MAP4K3: variants seen among roughly 807,000 people sequenced by gnomAD.
The protein encoded by MAP4K3 is MAPK/ERK kinase kinase kinase 3.
Under a neutral mutation model 143.5 loss-of-function variants are expected in MAP4K3, and 94 were observed. The ratio of observed to expected loss-of-function variants is 0.65; its 90% CI spans 0.55 to 0.78. MAP4K3 has a LOEUF of 0.78. Among genes scored for constraint, MAP4K3 ranks in the 30% least tolerant of loss-of-function variants. The pLI is 0.00. For missense variants in MAP4K3, 1,077 were observed against 1,068.1 expected, an observed-to-expected ratio of 1.01 and a Z score of -0.12; for synonymous variants, 416 against 347.2, an observed-to-expected ratio of 1.20 and a Z score of -2.20.
intron 2 of MAP4K3, among the ~76,000 whole-genome samples, chr2:39,365,430 ATTTT>A (rs151026787): frequency 3.4e-5 from 3 of 87,928 alleles, no homozygotes; most frequent in South Asian, 3.8e-4. Flanking sequence ...CGCCATAGTA[ATTTT>A]TTTTTTTTTT....
At chr2:39,406,418 T>C (rs1027262157) in intron 1 of MAP4K3, among the ~76,000 whole-genome samples, 1 of 152,098 alleles carries the variant, frequency 6.6e-6, no homozygotes, top group Non-Finnish European at 1.5e-5. Flanking sequence ...CAAAGAAGAC[T>C]ACCTCAAGAC....
At chr2:39,392,200 AAAAAATT>A (rs1666683681) in intron 1 of MAP4K3, among the ~76,000 whole-genome samples, 1 of 151,554 alleles carries the variant, frequency 6.6e-6, no homozygotes, top group South Asian at 2.1e-4. Context: ...AAAAAAAAAA[AAAAAATT>A]ACAGTGAAGC....
At chr2:39,311,081 T>C (rs1317154142) in intron 13 of MAP4K3, among the ~76,000 whole-genome samples, 3 of 152,186 alleles carry the variant, frequency 2.0e-5, no homozygotes, top group Non-Finnish European at 4.4e-5. Flanking sequence ...CAATCTTTTT[T>C]TGGTTTTGTT....
intron 15 of MAP4K3, among the ~76,000 whole-genome samples, chr2:39,300,317 T>A (rs1192781477): frequency 6.6e-6 from 1 of 152,252 alleles, no homozygotes; most frequent in Non-Finnish European, 1.5e-5. Context: ...ACTTGTACAA[T>A]ATTATAAATT....
At chr2:39,296,355 C>T (rs1310269626) in intron 16 of MAP4K3, among the ~76,000 whole-genome samples, 1 of 152,152 alleles carries the variant, frequency 6.6e-6, no homozygotes. Context: ...CTGATTTATT[C>T]ACCAAGATTG....
chr2:39,344,994 A>G (rs1573178499), intron 3 of MAP4K3, among the ~76,000 whole-genome samples: 1 of 152,214 alleles, frequency 6.6e-6, no homozygotes, highest in Non-Finnish European at 1.5e-5. Flanking sequence ...GATAATCTCT[A>G]GTCAGTCCTT....
chr2:39,275,640 T>G (rs1363723727), intron 24 of MAP4K3, among the ~76,000 whole-genome samples: 1 of 152,338 alleles, frequency 6.6e-6, no homozygotes, highest in African/African-American at 2.4e-5. Context: ...CACCTTTGAA[T>G]TATTTACTAA....
At chr2:39,407,352 GAA>G (rs112820457) in intron 1 of MAP4K3, among the ~76,000 whole-genome samples, 13 of 132,318 alleles carry the variant, frequency 9.8e-5, no homozygotes, top group Admixed American at 1.5e-4. Context: ...CAACTTAAAG[GAA>G]AAAAAAAAAA....
chr2:39,251,734 G>A, intron 33 of MAP4K3, 96 bp downstream of exon 33: 2 of 988,616 alleles, frequency 2.0e-6, no homozygotes, highest in Non-Finnish European at 3.1e-6. Context: ...TGAACATATT[G>A]CAGACATTTC....
intron 8 of MAP4K3, among the ~76,000 whole-genome samples, chr2:39,330,972 T>C (rs992181132): frequency 3.3e-5 from 5 of 152,180 alleles, no homozygotes; most frequent in African/African-American, 9.6e-5. Context: ...AAATGAATAA[T>C]GCTAGAGATG....
rs139145882 is a variant in MAP4K3, at chr2:39,367,438, G to A, written c.154+10628C>T. On this transcript the variant is annotated intron_variant, in intron 2 of 33. Coordinates refer to ENST00000263881, the MANE Select transcript of MAP4K3 (RefSeq NM_003618.4). ...GCCTGTAGTCGCAGCTACTTGGGAGGCTTAAATGGGAGGACTGACTGAGCC... is the reference window on the plus strand; with the variant it reads ...GCCTGTAGTCGCAGCTACTTGGGAGACTTAAATGGGAGGACTGACTGAGCC... Among the ~76,000 whole-genome samples, 99 of 152,118 alleles carry A rather than the reference G, an allele frequency of 6.5e-4. No homozygotes were observed. The East Asian group carries it at 0.015, about 23-fold the overall frequency.
intron 2 of MAP4K3, among the ~76,000 whole-genome samples, chr2:39,356,972 A>C (rs1665628310): frequency 6.6e-6 from 1 of 152,202 alleles, no homozygotes. Context: ...AGAGGCCTAC[A>C]CTCAAGCAGT....
chr2:39,269,781 A>C (rs778256342), intron 26 of MAP4K3, among the ~76,000 whole-genome samples: 7 of 152,198 alleles, frequency 4.6e-5, no homozygotes, highest in Non-Finnish European at 8.8e-5. Context: ...CTGAACGACT[A>C]CAATGGCAAT....
At chr2:39,419,918 G>C (rs1457513583) in intron 1 of MAP4K3, among the ~76,000 whole-genome samples, 1 of 152,214 alleles carries the variant, frequency 6.6e-6, no homozygotes, top group Non-Finnish European at 1.5e-5. Flanking sequence ...ACAGGATGGG[G>C]ACAGGCAAAA....
intron 31 of MAP4K3, among the ~76,000 whole-genome samples, chr2:39,256,523 T>C (rs1680347785): frequency 6.6e-6 from 1 of 152,244 alleles, no homozygotes; most frequent in Admixed American, 6.5e-5. Flanking sequence ...TGATTTTCTC[T>C]TAATACTTGG....
At chr2:39,424,204 A>G (rs1440493052) in intron 1 of MAP4K3, among the ~76,000 whole-genome samples, 1 of 152,162 alleles carries the variant, frequency 6.6e-6, no homozygotes, top group Non-Finnish European at 1.5e-5. Context: ...TCGGCCTCCC[A>G]AAGTGCTGGG....
At chr2:39,307,874 T>C in intron 15 of MAP4K3, 69 bp downstream of exon 15, 1 of 1,220,232 alleles carries the variant, frequency 8.2e-7, no homozygotes. Flanking sequence ...GGACAAAATG[T>C]TTGATCTTAA....
In MAP4K3 at chr2:39,290,346, A is replaced by G. The variant is rs748663555; in HGVS notation, c.1272-12T>C. ...CTTTCAGAGTTGAGCTAAAAACAGA[A>G]AAGTTTAGAATCAGAACTATTCATT... On this transcript the variant is annotated splice_polypyrimidine_tract_variant and intron_variant, in intron 18 of 33. Coordinates refer to ENST00000263881, the MANE Select transcript of MAP4K3 (RefSeq NM_003618.4). 6 of 1,590,538 alleles carry G rather than the reference A, an allele frequency of 3.8e-6. No individual in the cohort carries two copies. The African/African-American group carries it at 8.1e-5, about 21-fold the overall frequency.
intron 2 of MAP4K3, among the ~76,000 whole-genome samples, chr2:39,373,758 T>C (rs1006403888): frequency 6.6e-6 from 1 of 152,038 alleles, no homozygotes; most frequent in African/African-American, 2.4e-5. Context: ...CTTAAGGAGA[T>C]AGAGAGTAGA....
Sources: gnomAD v4.1 joint callset for allele counts (sites outside exome capture counted in the v4.1 genomes callset) on GRCh38, gnomAD v4.1.1 for gene constraint, MANE v1.5 for transcripts, NCBI Gene and HGNC (gene_info 2026-07-23, HGNC 2026-07-21) for gene names.